USP28: variants seen among roughly 807,000 people sequenced by gnomAD.
The protein encoded by USP28 is ubiquitin carboxyl-terminal hydrolase 28.
Under a neutral mutation model 145.0 loss-of-function variants are expected in USP28, and 113 were observed. The observed-to-expected ratio is 0.78, with a 90% CI of 0.67 to 0.91. USP28 has a LOEUF of 0.91. Among genes scored for constraint, USP28 ranks in the 40% least tolerant of loss-of-function variants. The pLI, the probability that USP28 is intolerant of heterozygous loss-of-function variation, is 0.00. For synonymous variants in USP28, 447 were observed against 450.9 expected, an observed-to-expected ratio of 0.99 and a Z score of 0.11; for missense variants, 1,201 against 1,289.6, an observed-to-expected ratio of 0.93 and a Z score of 1.05.
At chr11:113,797,886 CTTT>C (rs1303215780) in exon 25 of USP28, 2 of 152,444 alleles carry the variant, frequency 1.3e-5, no homozygotes, top group Non-Finnish European at 2.9e-5. Context: ...AAAACAAATA[CTTT>C]TATTGCACAT....
At chr11:113,799,476 C>A (rs984570932) in intron 24 of USP28, 61 bp from the exon 26 acceptor site, 91 of 1,552,614 alleles carry the variant, frequency 5.9e-5, no homozygotes, top group Non-Finnish European at 7.0e-5. Context: ...TAAAAGTGAA[C>A]AAGCCTTCTA....
chr11:113,824,089 C>A (rs551659420), intron 11 of USP28, among the ~76,000 whole-genome samples: 1 of 151,176 alleles, frequency 6.6e-6, no homozygotes, highest in East Asian at 2.0e-4. Flanking sequence ...TCAAAGGATA[C>A]AAAATCAATT....
At chr11:113,799,881 C>CT (rs996385075) in intron 24 of USP28, among the ~76,000 whole-genome samples, 2 of 152,104 alleles carry the variant, frequency 1.3e-5, no homozygotes, top group Non-Finnish European at 2.9e-5. Flanking sequence ...TTGTGTTGGG[C>CT]TTCAGGTTGG....
intron 12 of USP28, among the ~76,000 whole-genome samples, chr11:113,822,731 C>T (rs1942816595): frequency 6.6e-6 from 1 of 152,184 alleles, no homozygotes; most frequent in Admixed American, 6.5e-5. Context: ...ACTTCCAGGA[C>T]AGTATTTGAG....
At chr11:113,850,715 A>G (rs1946357861) in intron 3 of USP28, among the ~76,000 whole-genome samples, 1 of 152,138 alleles carries the variant, frequency 6.6e-6, no homozygotes, top group Non-Finnish European at 1.5e-5. Context: ...CTCTGAACAT[A>G]GGCAGCAACC....
intron 12 of USP28, among the ~76,000 whole-genome samples, chr11:113,819,866 T>C (rs765618228): frequency 6.6e-6 from 1 of 152,166 alleles, no homozygotes; most frequent in African/African-American, 2.4e-5. Context: ...ACTACAGGCA[T>C]GCGCCACCAC....
At chr11:113,820,314 C>T (rs553729870) in intron 12 of USP28, 1 of 152,262 alleles carries the variant, frequency 6.6e-6, no homozygotes, top group Admixed American at 6.5e-5. Context: ...CTCTGGCAGT[C>T]AAGTAGGAAG....
At chr11:113,863,838 G>A (rs1239348747) in intron 1 of USP28, among the ~76,000 whole-genome samples, 4 of 151,742 alleles carry the variant, frequency 2.6e-5, no homozygotes, top group Non-Finnish European at 4.4e-5. Context: ...CCAGCTACTC[G>A]GGAGGCTGAG....
chr11:113,842,402 G>C (rs539076986), intron 3 of USP28, among the ~76,000 whole-genome samples: 1 of 151,984 alleles, frequency 6.6e-6, no homozygotes, highest in South Asian at 2.1e-4. Context: ...TGGCTAACAC[G>C]GTGAAACCCC....
chr11:113,806,678 G>A (rs1940030809), intron 18 of USP28, 94 bp from the exon 20 acceptor site: 1 of 827,522 alleles, frequency 1.2e-6, no homozygotes, highest in Non-Finnish European at 1.8e-6. Context: ...GTGCTAAAGG[G>A]CAGCAGAGCA....
At chr11:113,851,673 G>C (rs907280748) in intron 3 of USP28, among the ~76,000 whole-genome samples, 3 of 151,940 alleles carry the variant, frequency 2.0e-5, no homozygotes, top group African/African-American at 7.3e-5. Flanking sequence ...GTGGGCGCCT[G>C]TAATCCCAGC....
chr11:113,800,891 G>T (rs867719588), intron 24 of USP28, among the ~76,000 whole-genome samples: 1 of 147,168 alleles, frequency 6.8e-6, no homozygotes, highest in African/African-American at 2.5e-5. Flanking sequence ...GGCCCAGGCT[G>T]GATTGCACTG....
intron 14 of USP28, among the ~76,000 whole-genome samples, chr11:113,814,320 G>C: frequency 6.6e-6 from 1 of 152,056 alleles, no homozygotes; most frequent in Non-Finnish European, 1.5e-5. Context: ...TAGGAATCTG[G>C]GAAGAATCTG....
At chr11:113,875,242 G>A (rs1380966751) in intron 1 of USP28, among the ~76,000 whole-genome samples, 2 of 152,036 alleles carry the variant, frequency 1.3e-5, no homozygotes, top group African/African-American at 4.8e-5. Context: ...CTCGCCCACG[G>A]ACGCGAAGAT....
At chr11:113,826,336 C>CTTTTTTTTTT (rs1565394775) in intron 11 of USP28, among the ~76,000 whole-genome samples, 1 of 115,186 alleles carries the variant, frequency 8.7e-6, no homozygotes, top group African/African-American at 3.2e-5. Flanking sequence ...CCACCACACC[C>CTTTTTTTTTT]ATTTTTTTTT....
chr11:113,806,461 A>T, intron 19 of USP28, 28 bp downstream of exon 20: 1 of 1,573,226 alleles, frequency 6.4e-7, no homozygotes, highest in East Asian at 2.2e-5. Flanking sequence ...CTATATTGTA[A>T]GAATTAGAAT....
chr11:113,799,196 G>C (rs759690349), exon 25 of USP28: 1 of 1,583,312 alleles, frequency 6.3e-7, no homozygotes, highest in Admixed American at 1.8e-5. Context: ...CTGTGCAAGA[G>C]GCAGGCAGCC....
intron 8 of USP28, among the ~76,000 whole-genome samples, chr11:113,831,702 GAA>G (rs112521515): frequency 7.0e-6 from 1 of 142,648 alleles, no homozygotes; most frequent in African/African-American, 2.5e-5. Context: ...CCTTTAGTTA[GAA>G]AAAAAAAAAA....
exon 10 of USP28, chr11:113,829,231 A>C: frequency 6.2e-7 from 1 of 1,614,166 alleles, no homozygotes. Flanking sequence ...ATCGGAGGGA[A>C]GAAGCTCAAC....
Sources: gnomAD v4.1 joint callset for allele counts (sites outside exome capture counted in the v4.1 genomes callset) on GRCh38, gnomAD v4.1.1 for gene constraint, MANE v1.5 for transcripts, NCBI Gene and HGNC (gene_info 2026-07-23, HGNC 2026-07-21) for gene names.